Variants in GADL1 observed in about 807,000 individuals in gnomAD.
GADL1 encodes the protein GAD like acidic amino acid decarboxylase 1.
A neutral mutation model predicts 69.5 loss-of-function variants in GADL1; 71 were observed. The observed-to-expected ratio is 1.02, with a 90% CI of 0.84 to 1.25. The LOEUF (loss-of-function observed/expected upper bound fraction) is 1.25, where lower values mean the gene tolerates loss of function less well. Among genes scored for constraint, GADL1 ranks in the 50% most tolerant of loss-of-function variants. The pLI, the probability that GADL1 is intolerant of heterozygous loss-of-function variation, is 0.00. For synonymous variants in GADL1, 254 were observed against 214.4 expected, an observed-to-expected ratio of 1.18 and a Z score of -1.62; for missense variants, 737 against 631.8, an observed-to-expected ratio of 1.17 and a Z score of -1.79.
rs528321895 is a variant in GADL1 at position 30,745,326 on chromosome 3, T to C, written c.1393-16911A>G. ...AATTCAAACTTACGGTAATGAAGAA[T>C]AAATATTAATATATGTCATGATTTA... On this transcript the variant is annotated intron_variant, in intron 14 of 14. Transcript: ENST00000282538. Among the ~76,000 whole-genome samples the C allele has an allele frequency of 4.6e-5, 7 of 152,306 alleles. No homozygotes were observed. In the East Asian group the frequency reaches 1.4e-3, roughly 29 times the overall value.
intron 8 of GADL1, among the ~76,000 whole-genome samples, chr3:30,842,122 A>G (rs1697976152): frequency 6.6e-6 from 1 of 152,180 alleles, no homozygotes; most frequent in Admixed American, 6.5e-5. Flanking sequence ...TTTACATTTG[A>G]CGTATCAACC....
chr3:30,729,108 A>T (rs1166985361), intron 14 of GADL1, among the ~76,000 whole-genome samples: 3 of 152,166 alleles, frequency 2.0e-5, no homozygotes, highest in Non-Finnish European at 2.9e-5. Context: ...TATTTTAAAG[A>T]TCTATAGCTG....
In GADL1 at chr3:30,733,527, C is replaced by T. The variant is rs75664116; in HGVS notation, c.1393-5112G>A. ...TTGTATCTGGCACCCAAAACTATCA[C>T]TGAGACTTACATACCTCCCTCCCCT... On this transcript the variant is annotated intron_variant, in intron 14 of 14. Coordinates refer to ENST00000282538, the MANE Select transcript of GADL1 (RefSeq NM_207359.3). 1.4e-4 allele frequency among the ~76,000 whole-genome samples: 21 copies of T among 152,228 alleles called. 1 individual carries two copies. The East Asian group carries it at 3.7e-3, about 27-fold the overall frequency.
chr3:30,823,283 T>C (rs554891824), intron 11 of GADL1, among the ~76,000 whole-genome samples: 1 of 152,116 alleles, frequency 6.6e-6, no homozygotes, highest in East Asian at 1.9e-4. Flanking sequence ...ATTGAGGTCC[T>C]GTGTCCACCA....
chr3:30,888,356 A>C (rs940623128), intron 1 of GADL1, among the ~76,000 whole-genome samples: 1 of 152,154 alleles, frequency 6.6e-6, no homozygotes, highest in Non-Finnish European at 1.5e-5. Context: ...TGGGTGTTCT[A>C]TGTGTGCATA....
At chr3:30,852,033 T>C (rs139264813) in intron 4 of GADL1, among the ~76,000 whole-genome samples, 1 of 152,310 alleles carries the variant, frequency 6.6e-6, no homozygotes, top group East Asian at 1.9e-4. Flanking sequence ...TGAATAAATG[T>C]GTACTCTAAA....
At chr3:30,827,161 G>T (rs146877365) in intron 11 of GADL1, among the ~76,000 whole-genome samples, 197 of 151,990 alleles carry the variant, frequency 1.3e-3, no homozygotes, top group African/African-American at 4.4e-3. Context: ...TACAGATTTA[G>T]TCACTTCAGG....
chr3:30,894,647 C>T lies in GADL1; in HGVS notation c.-33G>A. On this transcript the variant is annotated 5_prime_UTR_variant, in exon 1 of 15. Transcript: ENST00000282538. ...CCCCCACTCCAGGCTGCCCCGGGCG[C>T]GGCTCCCGCAGTCTGGGCGGCGACG... 5.2e-6 allele frequency: 8 copies of T among 1,547,650 alleles called. No individual in the cohort carries two copies. Among genetic ancestry groups the T allele is most frequent in the Non-Finnish European group, 6.1e-6 (7 of 1,144,620 alleles).
intron 14 of GADL1, among the ~76,000 whole-genome samples, chr3:30,767,940 TC>T (rs938943408): frequency 2.0e-5 from 3 of 151,538 alleles, no homozygotes; most frequent in Non-Finnish European, 4.4e-5. Flanking sequence ...ACACTGACAA[TC>T]AGTAAAGAGA....
At chr3:30,740,224 C>T (rs1575179471) in intron 14 of GADL1, among the ~76,000 whole-genome samples, 2 of 152,228 alleles carry the variant, frequency 1.3e-5, no homozygotes, top group South Asian at 2.1e-4. Context: ...AAAAAGGGCT[C>T]TGGTATTTAA....
chr3:30,846,075 ACTG>A (rs1698050119), intron 6 of GADL1, among the ~76,000 whole-genome samples: 1 of 151,258 alleles, frequency 6.6e-6, no homozygotes. Flanking sequence ...AAAACAAAAA[ACTG>A]CAAAACTGAA....
intron 14 of GADL1, among the ~76,000 whole-genome samples, chr3:30,769,111 A>G (rs1211678529): frequency 1.3e-5 from 2 of 152,050 alleles, no homozygotes; most frequent in African/African-American, 2.4e-5. Context: ...ACTGTACTTT[A>G]TTTTCTCTAA....
chr3:30,830,103 G>GA (rs1697762773), intron 11 of GADL1, among the ~76,000 whole-genome samples: 1 of 151,804 alleles, frequency 6.6e-6, no homozygotes, highest in Non-Finnish European at 1.5e-5. Context: ...GTCACTCTCT[G>GA]ATCTCCTCTC....
rs965816055 is a variant in GADL1 at position 30,755,124 on chromosome 3, C to CT, written c.1392+23054dup. On this transcript the variant is annotated intron_variant, in intron 14 of 14. Coordinates refer to ENST00000282538, the MANE Select transcript of GADL1 (RefSeq NM_207359.3). ...GAGAAAATTAGCCAGTTAAAGCTGACTTGGGACTCTATAGTGAATGTCATA... is the reference window on the plus strand; with the variant it reads ...GAGAAAATTAGCCAGTTAAAGCTGACTTTGGGACTCTATAGTGAATGTCATA... 6.8e-5 allele frequency among the ~76,000 whole-genome samples: 10 copies of CT among 147,978 alleles called. No individual in the cohort carries two copies. The East Asian group carries it at 1.5e-3, about 23-fold the overall frequency.
chr3:30,754,328 T>C (rs1481514100), intron 14 of GADL1, among the ~76,000 whole-genome samples: 1 of 151,864 alleles, frequency 6.6e-6, no homozygotes, highest in Non-Finnish European at 1.5e-5. Context: ...GTCAAACTGA[T>C]GAAACAAGTT....
At chr3:30,865,348 G>A (rs1316870535) in intron 1 of GADL1, among the ~76,000 whole-genome samples, 4 of 151,592 alleles carry the variant, frequency 2.6e-5, no homozygotes, top group African/African-American at 9.7e-5. Flanking sequence ...GTTAAGCTCT[G>A]TGAGAGCATG....
intron 1 of GADL1, among the ~76,000 whole-genome samples, chr3:30,886,210 C>T (rs1324474060): frequency 3.9e-5 from 6 of 152,018 alleles, no homozygotes; most frequent in Admixed American, 2.6e-4. Context: ...ACTTGATCGC[C>T]TAATAAGAAG....
intron 6 of GADL1, among the ~76,000 whole-genome samples, chr3:30,849,606 C>T (rs1008418037): frequency 4.6e-5 from 7 of 151,930 alleles, no homozygotes; most frequent in African/African-American, 1.7e-4. Flanking sequence ...AAGTAAGATA[C>T]ACATCCCTTA....
intron 8 of GADL1, among the ~76,000 whole-genome samples, chr3:30,841,820 A>G (rs1362570588): frequency 2.0e-5 from 3 of 152,158 alleles, no homozygotes. Flanking sequence ...TACAAAAGAG[A>G]CACAGGATGT....
Sources: gnomAD v4.1 joint callset for allele counts (sites outside exome capture counted in the v4.1 genomes callset) on GRCh38, gnomAD v4.1.1 for gene constraint, MANE v1.5 for transcripts, NCBI Gene and HGNC (gene_info 2026-07-23, HGNC 2026-07-21) for gene names.